TBC1D4: variants seen among roughly 807,000 people sequenced by gnomAD.
TBC1D4 encodes the protein TBC1 domain family member 4.
In TBC1D4, 121 loss-of-function variants were observed where a neutral mutation model predicts 142.5. That is an observed-to-expected ratio of 0.85 (90% CI 0.73 to 0.99). The LOEUF (loss-of-function observed/expected upper bound fraction) is 0.99. TBC1D4 is among the 50% of genes least tolerant of loss of function. The pLI, the probability that TBC1D4 is intolerant of heterozygous loss-of-function variation, is 0.00. For missense variants in TBC1D4, 1,475 were observed against 1,606.6 expected (o/e 0.92, Z 1.40); for synonymous variants, 630 against 628.2 (o/e 1.00, Z -0.04).
At chr13:75,346,853 AACAAT>A (rs1881191466) in intron 5 of TBC1D4, among the ~76,000 whole-genome samples, 1 of 152,148 alleles carries the variant, frequency 6.6e-6, no homozygotes, top group South Asian at 2.1e-4. Flanking sequence ...TTTTTCACTC[AACAAT>A]ACAATTTTAA....
At position 75,378,586 on chromosome 13, in the gene TBC1D4, G is replaced by A. The variant is rs184188176; in HGVS notation, c.499-15979C>T. Among the ~76,000 whole-genome samples the A allele has an allele frequency of 9.2e-5, 14 of 152,200 alleles. No individual in the cohort carries two copies. The East Asian group carries it at 1.9e-3, about 21-fold the overall frequency. On this transcript the variant is annotated intron_variant, in intron 1 of 20. Transcript: ENST00000377636. ...AGTGTAGGAGTTAGCATAATGAAGG[G>A]AAAAAGTTGATCACAATGATAGCTG...
At chr13:75,421,388 A>G (rs1886162061) in intron 1 of TBC1D4, among the ~76,000 whole-genome samples, 1 of 152,162 alleles carries the variant, frequency 6.6e-6, no homozygotes, top group Non-Finnish European at 1.5e-5. Flanking sequence ...GGAGTTCACA[A>G]AATCTTTGAA....
chr13:75,435,514 C>T (rs1184177268), intron 1 of TBC1D4, among the ~76,000 whole-genome samples: 2 of 152,054 alleles, frequency 1.3e-5, no homozygotes, highest in Non-Finnish European at 2.9e-5. Context: ...TATTGAAATG[C>T]TAAGACAAGC....
chr13:75,373,424 A>G (rs577274272), intron 1 of TBC1D4, among the ~76,000 whole-genome samples: 1 of 152,332 alleles, frequency 6.6e-6, no homozygotes, highest in South Asian at 2.1e-4. Context: ...TCCGGGGATA[A>G]AAATGAAAAC....
chr13:75,362,376 G>C lies in TBC1D4; in HGVS notation c.730C>G (p.Arg244Gly), dbSNP rs764619612. ...AGGTCCTCTCCTGGGTCCGGACCGC[G>C]CTGCTCCCCTTGGATCTTCAGGCGC... Reference protein sequence around the residue: ...QQRLKIQGEQRGPDPGEDLAD... With the variant: ...QQRLKIQGEQGGPDPGEDLAD... Residue 244 changes from arginine (R) to glycine (G), a missense_variant, in exon 2 of 21, where the codon CGC (arginine) becomes GGC (glycine). Coordinates refer to ENST00000377636, the MANE Select transcript of TBC1D4 (RefSeq NM_014832.5). The surrounding 1 kb of genome is among the most constrained non-coding windows in gnomAD (Gnocchi z 4.2). 10 of 1,614,098 alleles carry C rather than the reference G, an allele frequency of 6.2e-6. No homozygotes were observed. The highest frequency in any genetic ancestry group is 1.1e-5 in the South Asian group (1 of 91,084).
In TBC1D4 at chr13:75,310,108, A is replaced by T. The variant is rs1740178010; in HGVS notation, c.2427T>A (p.Ser809=). The T allele has an allele frequency of 1.2e-6, 2 of 1,613,920 alleles. No homozygotes were observed. The highest frequency in any genetic ancestry group is 1.7e-6 in the Non-Finnish European group (2 of 1,179,884). The change falls in exon 14 of 21, where the codon TCT becomes TCA. Residue 809 remains serine, a synonymous_variant. Coordinates refer to ENST00000377636, the MANE Select transcript of TBC1D4 (RefSeq NM_014832.5). The stretch of plus-strand genomic sequence containing the variant: ...CCAGCGGTTCCTCCTCCATGGTTGG[A>T]GAGAGGGGGGACAGTGGCAGCAGCT... ...RNELLPLSPL[S]PTMEEEPLVV... is the part of the protein sequence containing the mutation.
At chr13:75,336,116 G>T (rs1481937530) in intron 8 of TBC1D4, among the ~76,000 whole-genome samples, 1 of 152,092 alleles carries the variant, frequency 6.6e-6, no homozygotes, top group African/African-American at 2.4e-5. Context: ...AGATCATTTT[G>T]GGCCAGGTGC....
chr13:75,422,569 CTTCAA>C (rs1228903982), intron 1 of TBC1D4, among the ~76,000 whole-genome samples: 1 of 152,140 alleles, frequency 6.6e-6, no homozygotes, highest in East Asian at 1.9e-4. Context: ...TCCTTTCGAA[CTTCAA>C]TTCTTTACAA....
At chr13:75,393,918 ACT>A (rs1252192874) in intron 1 of TBC1D4, among the ~76,000 whole-genome samples, 1 of 130,696 alleles carries the variant, frequency 7.7e-6, no homozygotes, top group African/African-American at 3.1e-5. Context: ...CAAGAGCAAA[ACT>A]CTGTCTCAAA....
At chr13:75,396,818 T>A (rs545894424) in intron 1 of TBC1D4, among the ~76,000 whole-genome samples, 7 of 152,242 alleles carry the variant, frequency 4.6e-5, no homozygotes, top group Non-Finnish European at 1.0e-4. Flanking sequence ...AGTATTTCTT[T>A]GCCTATGACA....
At chr13:75,334,482 T>A (rs547096837) in intron 8 of TBC1D4, among the ~76,000 whole-genome samples, 3 of 152,222 alleles carry the variant, frequency 2.0e-5, no homozygotes, top group Middle Eastern at 3.4e-3. Context: ...TATGTCTATA[T>A]TTACATGTAT....
chr13:75,431,799 G>A (rs1247372064), intron 1 of TBC1D4, among the ~76,000 whole-genome samples: 1 of 152,154 alleles, frequency 6.6e-6, no homozygotes, highest in African/African-American at 2.4e-5. Flanking sequence ...TAAAGATTCA[G>A]ATAATTTATA....
chr13:75,393,089 CA>C (rs905021841), intron 1 of TBC1D4, among the ~76,000 whole-genome samples: 8 of 149,188 alleles, frequency 5.4e-5, no homozygotes, highest in African/African-American at 2.0e-4. Flanking sequence ...TTTGTAATGT[CA>C]AAAAATACAT....
intron 8 of TBC1D4, among the ~76,000 whole-genome samples, chr13:75,331,845 GA>G (rs4052616): frequency 0.038 from 5,356 of 140,474 alleles, 342 homozygotes; most frequent in African/African-American, 0.13. Context: ...AACTCAGCAG[GA>G]AAAAAAAAAA....
chr13:75,307,116 C>T (rs1336464382), intron 14 of TBC1D4, among the ~76,000 whole-genome samples: 1 of 152,102 alleles, frequency 6.6e-6, no homozygotes, highest in African/African-American at 2.4e-5. Context: ...TGCGCCACTA[C>T]ACTTGGCTAA....
intron 1 of TBC1D4, among the ~76,000 whole-genome samples, chr13:75,409,899 A>T (rs1885539442): frequency 6.6e-6 from 1 of 152,296 alleles, no homozygotes; most frequent in African/African-American, 2.4e-5. Context: ...TCATCTCTGG[A>T]GGAAATGAAT....
chr13:75,348,727 T>C (rs79579631), intron 5 of TBC1D4, among the ~76,000 whole-genome samples: 292 of 152,292 alleles, frequency 1.9e-3, no homozygotes, highest in African/African-American at 6.8e-3. Context: ...TTCTACATTT[T>C]TAGAAAAGGA....
chr13:75,436,070 G>A (rs930348962), intron 1 of TBC1D4, among the ~76,000 whole-genome samples: 4 of 152,162 alleles, frequency 2.6e-5, no homozygotes, highest in South Asian at 2.1e-4. Flanking sequence ...ATGGCAGCAG[G>A]TTTTCCCATG....
rs369612769 is a variant in TBC1D4 at position 75,362,430 on chromosome 13, T to C, written c.676A>G (p.Met226Val). The change falls in exon 2 of 21, where the codon ATG becomes GTG. Residue 226 changes from methionine (M) to valine (V), a missense_variant. Physicochemically the swap from Met to Val is conservative, Grantham distance 21. This residue lies in a region of TBC1D4 where 1,227 missense variants were observed against 1,267.7 expected (regional missense o/e 0.97). Transcript: ENST00000377636. The surrounding 1 kb of genome is among the most constrained non-coding windows in gnomAD (Gnocchi z 4.2). ...TGTTCGTGCAGGCTGAACTTCTCCATGCAGTCATCGATGAGGCTTGAGGGG... is the reference window on the plus strand; with the variant it reads ...TGTTCGTGCAGGCTGAACTTCTCCACGCAGTCATCGATGAGGCTTGAGGGG... The part of the protein sequence containing the change: ...KAPSSLIDDC[M>V]EKFSLHEQQR... 9.3e-6 allele frequency: 15 copies of C among 1,614,134 alleles called. No homozygotes were observed. The highest frequency in any genetic ancestry group is 1.3e-5 in the Non-Finnish European group (15 of 1,180,052).
Sources: gnomAD v4.1 joint callset for allele counts (sites outside exome capture counted in the v4.1 genomes callset) on GRCh38, gnomAD v4.1.1 for gene constraint, gnomAD v4.1.1 regional missense constraint, Gnocchi (gnomAD v3.1) non-coding constraint, MANE v1.5 for transcripts, NCBI Gene and HGNC (gene_info 2026-07-23, HGNC 2026-07-21) for gene names.